GSK3B: variants seen among roughly 807,000 people sequenced by gnomAD.
The protein encoded by GSK3B is glycogen synthase kinase 3 beta, also known as glycogen synthase kinase-3 beta.
A neutral mutation model predicts 56.4 loss-of-function variants in GSK3B; 15 were observed. The ratio of observed to expected loss-of-function variants is 0.27; its 90% CI spans 0.18 to 0.41. GSK3B has a LOEUF of 0.41. GSK3B is among the 10% of genes least tolerant of loss of function. The probability of loss-of-function intolerance (pLI) is 1.00; values close to 1 mark genes in which losing one functional copy is unlikely to be tolerated. For missense variants in GSK3B, 300 were observed against 513.4 expected (o/e 0.58, Z 4.02); for synonymous variants, 181 against 188.9 (o/e 0.96, Z 0.34).
chr3:120,053,405 A>G (rs1160411178), intron 1 of GSK3B, among the ~76,000 whole-genome samples: 1 of 152,178 alleles, frequency 6.6e-6, no homozygotes, highest in African/African-American at 2.4e-5. Flanking sequence ...CCTTCCTTAC[A>G]ATCTAATGAT....
chr3:119,947,427 A>G (rs1244586412), intron 2 of GSK3B, 76 bp from the exon 3 acceptor site: 1 of 931,954 alleles, frequency 1.1e-6, no homozygotes, highest in African/African-American at 1.6e-5. Flanking sequence ...TGCTTCTGAA[A>G]TAACATTAAG....
intron 1 of GSK3B, among the ~76,000 whole-genome samples, chr3:120,074,651 A>C (rs1559902166): frequency 1.3e-5 from 2 of 152,156 alleles, no homozygotes; most frequent in Non-Finnish European, 1.5e-5. Context: ...ATGCCAACAA[A>C]TGTGATAACT....
At chr3:120,078,742 AG>A (rs1046703716) in intron 1 of GSK3B, among the ~76,000 whole-genome samples, 46 of 149,654 alleles carry the variant, frequency 3.1e-4, no homozygotes, top group South Asian at 2.1e-4. Flanking sequence ...TAGTAGAGAC[AG>A]GGTTTCTCCA....
chr3:119,978,807 T>C (rs562919371), intron 2 of GSK3B, among the ~76,000 whole-genome samples: 19 of 152,294 alleles, frequency 1.2e-4, no homozygotes, highest in African/African-American at 4.6e-4. Context: ...TTTCTTGCAG[T>C]ACCCAGGAAA....
rs541482579 is a variant in GSK3B at position 119,862,867 on chromosome 3, G to A, written c.1096+552C>T. On this transcript the variant is annotated intron_variant, in intron 9 of 10. Coordinates refer to ENST00000264235, the MANE Select transcript of GSK3B (RefSeq NM_001146156.2). The stretch of plus-strand genomic sequence containing the variant: ...CCAGAAACCACAATGCACAAAGTTC[G>A]TTTCCCTTTCAGTATTATCTCAGCA... Among the ~76,000 whole-genome samples the A allele has an allele frequency of 1.1e-4, 17 of 152,158 alleles. No individual in the cohort carries two copies. In the South Asian group the frequency reaches 1.5e-3, roughly 13 times the overall value.
intron 9 of GSK3B, among the ~76,000 whole-genome samples, chr3:119,855,808 A>C (rs1000155432): frequency 6.6e-6 from 1 of 151,684 alleles, no homozygotes; most frequent in Non-Finnish European, 1.5e-5. Context: ...GGTGGGGAAC[A>C]TCACACACCG....
intron 1 of GSK3B, among the ~76,000 whole-genome samples, chr3:120,012,579 A>T (rs1169388394): frequency 1.3e-5 from 2 of 152,246 alleles, no homozygotes; most frequent in Non-Finnish European, 2.9e-5. Flanking sequence ...ATAATAGATA[A>T]ATCTTAAATA....
Position 119,823,402 on chromosome 3 carries a change from G to A in GSK3B, c.*3386C>T, listed in dbSNP as rs2055445324. On this transcript the variant is annotated 3_prime_UTR_variant, in exon 11 of 11. Transcript: ENST00000264235. ...CTCCGTGCAGTAACTGCTAGTAATT[G>A]CACTATAGCATTTTAGACCACTGAC... 1 of 200,460 alleles carries A rather than the reference G, an allele frequency of 5.0e-6. No homozygotes were observed. Among genetic ancestry groups the A allele is most frequent in the South Asian group, 1.9e-4 (1 of 5,232 alleles). The allele number at this position is 200,460 out of a possible 1,614,324, so 12.4% of individuals were successfully genotyped here. A position where few individuals can be genotyped will look rare whatever the true frequency, so the allele number is the denominator to read the frequency against.
intron 2 of GSK3B, among the ~76,000 whole-genome samples, chr3:119,952,176 A>T (rs545993286): frequency 2.3e-4 from 35 of 152,242 alleles, no homozygotes; most frequent in Non-Finnish European, 4.1e-4. Context: ...GAAAACCACT[A>T]ATCTATCAAA....
intron 2 of GSK3B, among the ~76,000 whole-genome samples, chr3:119,984,739 A>G (rs1056052450): frequency 6.6e-6 from 1 of 151,486 alleles, no homozygotes; most frequent in Non-Finnish European, 1.5e-5. Context: ...TACCAACCAA[A>G]AAAAGTCCAG....
intron 1 of GSK3B, among the ~76,000 whole-genome samples, chr3:120,076,546 T>C (rs906883760): frequency 1.7e-4 from 26 of 152,098 alleles, no homozygotes; most frequent in African/African-American, 6.0e-4. Context: ...CTGGGCGCGG[T>C]GGCTCACGCC....
At chr3:119,940,785 G>A (rs1448731845) in intron 3 of GSK3B, among the ~76,000 whole-genome samples, 3 of 152,094 alleles carry the variant, frequency 2.0e-5, no homozygotes, top group African/African-American at 7.2e-5. Flanking sequence ...TATTTTAGAA[G>A]AGTCACATAC....
At chr3:119,990,649 C>T (rs1167796043) in intron 2 of GSK3B, among the ~76,000 whole-genome samples, 1 of 152,164 alleles carries the variant, frequency 6.6e-6, no homozygotes, top group Non-Finnish European at 1.5e-5. Flanking sequence ...TGGTATTAAG[C>T]CAAGCGCGGT....
rs924877113 is a variant in GSK3B, at chr3:120,036,455, T to C, written c.89-34216A>G. Among the ~76,000 whole-genome samples the C allele has an allele frequency of 2.6e-5, 4 of 152,158 alleles. No individual in the cohort carries two copies. In the South Asian group the frequency reaches 6.2e-4, roughly 24 times the overall value. ...AAGTATCTAAGAGAAGGGGGTACCA[T>C]GACTAACTTAATTACTAAATGACTC... On this transcript the variant is annotated intron_variant, in intron 1 of 10. Transcript: ENST00000264235.
chr3:119,867,019 C>T (rs979681605), intron 8 of GSK3B, among the ~76,000 whole-genome samples: 3 of 152,154 alleles, frequency 2.0e-5, no homozygotes, highest in African/African-American at 7.2e-5. Context: ...CTGGATTCAT[C>T]ATCCACAGAC....
At chr3:120,025,403 A>T (rs758715288) in intron 1 of GSK3B, among the ~76,000 whole-genome samples, 1 of 152,314 alleles carries the variant, frequency 6.6e-6, no homozygotes, top group East Asian at 1.9e-4. Context: ...AGCAAAGAAC[A>T]GAAAAAAACA....
chr3:120,009,744 C>T (rs1397399482), intron 1 of GSK3B, among the ~76,000 whole-genome samples: 7 of 151,882 alleles, frequency 4.6e-5, no homozygotes, highest in East Asian at 1.9e-4. Context: ...ATGTAGATGA[C>T]GGGTTGATGG....
intron 1 of GSK3B, among the ~76,000 whole-genome samples, chr3:120,078,938 C>A (rs1023347042): frequency 1.3e-5 from 2 of 148,658 alleles, no homozygotes; most frequent in African/African-American, 2.5e-5. Context: ...CACACACACA[C>A]ACACACACTT....
chr3:120,094,407 G>A lies in GSK3B; in HGVS notation c.-973C>T. ...CCGGGCGGCGGCGGCGGCGGCGGCG[G>A]CACAAGCCCGCATTCGCCCGGGTCA... On this transcript the variant is annotated 5_prime_UTR_variant, in exon 1 of 11. Transcript: ENST00000264235. 9.3e-6 allele frequency: 3 copies of A among 321,846 alleles called. No individual in the cohort carries two copies. The highest frequency in any genetic ancestry group is 5.3e-5 in the Admixed American group (1 of 18,936). 19.9% of individuals were successfully genotyped at this position (321,846 alleles called of 1,614,324 possible).
Sources: allele counts gnomAD v4.1 joint callset (sites outside exome capture counted in the v4.1 genomes callset), GRCh38; gene constraint gnomAD v4.1.1; transcripts MANE v1.5; gene names NCBI Gene and HGNC (gene_info 2026-07-23, HGNC 2026-07-21).